Variants in GNAS observed in about 807,000 individuals in gnomAD.
GNAS encodes the protein protein ALEX.
Under a neutral mutation model 54.5 loss-of-function variants are expected in GNAS, and 8 were observed. The observed-to-expected ratio is 0.15, with a 90% CI of 0.09 to 0.26. The LOEUF (loss-of-function observed/expected upper bound fraction) is 0.26, where lower values mean the gene tolerates loss of function less well. GNAS is among the 10% of genes least tolerant of loss of function. The pLI, the probability that GNAS is intolerant of heterozygous loss-of-function variation, is 1.00. For missense variants in GNAS, 170 were observed against 529.8 expected, an observed-to-expected ratio of 0.32 and a Z score of 6.67; for synonymous variants, 204 against 191.4, an observed-to-expected ratio of 1.07 and a Z score of -0.54.
At chr20:58,840,367 G>A, upstream of GNAS, 4 of 1,613,364 alleles carry the variant, frequency 2.5e-6, no homozygotes, top group Non-Finnish European at 1.7e-6. This position sits in a 1 kb window ranked among gnomAD's most constrained non-coding sequence, Gnocchi z 6.0. Context: ...CTGACCACGA[G>A]CACGAGGAGG....
upstream of GNAS, chr20:58,888,407 G>C (rs560842964): frequency 2.0e-5 from 3 of 152,358 alleles, no homozygotes; most frequent in Admixed American, 6.5e-5. Flanking sequence ...AGGCGGGCTG[G>C]GGTCAACTGC....
Position 58,909,143 on chromosome 20 carries a change from G to A in GNAS, c.531-19G>A, listed in dbSNP as rs771181980. The A allele has an allele frequency of 5.0e-6, 8 of 1,611,816 alleles. No individual in the cohort carries two copies. The highest frequency in any genetic ancestry group is 6.8e-6 in the Non-Finnish European group (8 of 1,178,084). On this transcript the variant is annotated intron_variant, in intron 6 of 12. Coordinates refer to ENST00000371085, the MANE Select transcript of GNAS (RefSeq NM_000516.7). This position sits in a 1 kb window ranked among gnomAD's most constrained non-coding sequence, Gnocchi z 7.3. ...TGTGAGCGCTGTGAACACCCCACGT[G>A]TCTTTCTTTTTCTCCCAGCTTCCTG...
At chr20:58,893,066 C>CTTTTTTTTTTTTTTTTTT (rs869179421) in intron 1 of GNAS, among the ~76,000 whole-genome samples, 4 of 103,088 alleles carry the variant, frequency 3.9e-5, no homozygotes, top group African/African-American at 1.2e-4. Context: ...GGCGTGGTTT[C>CTTTTTTTTTTTTTTTTTT]TTTTTTTTTT....
chr20:58,870,663 G>A (rs537289353), intron 1 of GNAS, among the ~76,000 whole-genome samples: 3 of 152,206 alleles, frequency 2.0e-5, no homozygotes, highest in African/African-American at 7.2e-5. Flanking sequence ...TTTCTCAGGG[G>A]AGGGGTGGTT....
At chr20:58,896,755 G>A (rs8118341) in intron 2 of GNAS, among the ~76,000 whole-genome samples, 7,546 of 152,200 alleles carry the variant, frequency 0.05, 639 homozygotes, top group African/African-American at 0.17. Context: ...CTAGCTGGTT[G>A]GCACAGTCCT....
chr20:58,900,361 A>G (rs572865264), intron 3 of GNAS: 91 of 237,278 alleles, frequency 3.8e-4, no homozygotes, highest in African/African-American at 1.9e-3. Context: ...GCAAGTCAAT[A>G]TAAGTATTAA....
At chr20:58,886,281 A>C (rs1348367836) in intron 1 of GNAS, among the ~76,000 whole-genome samples, 1 of 152,242 alleles carries the variant, frequency 6.6e-6, no homozygotes, top group Non-Finnish European at 1.5e-5. Flanking sequence ...GTAGTGTGTG[A>C]CACCATCTGT....
rs2146296842 is a variant in GNAS at position 58,910,171 on chromosome 20, C to A, written c.970+90C>A. ...GAAAACCCCCATCCCCCTCCCACCA[C>A]CAAACCATAAAGGATCTATAAGAGA... On this transcript the variant is annotated intron_variant, in intron 11 of 12. Coordinates refer to ENST00000371085, the MANE Select transcript of GNAS (RefSeq NM_000516.7). The surrounding 1 kb of genome is among the most constrained non-coding windows in gnomAD (Gnocchi z 5.8). The A allele has an allele frequency of 7.2e-7, 1 of 1,392,420 alleles. No individual in the cohort carries two copies. The highest frequency in any genetic ancestry group is 1.0e-6 in the Non-Finnish European group (1 of 978,190). The allele number at this position is 1,392,420 out of a possible 1,614,324, so 86.3% of individuals were successfully genotyped here.
intron 1 of GNAS, chr20:58,842,696 GGT>G: frequency 2.5e-6 from 1 of 395,630 alleles, no homozygotes; most frequent in Non-Finnish European, 4.4e-6. Context: ...AAACAATGAT[GGT>G]GTGTTGGCTT....
chr20:58,871,967 C>T (rs7271854), intron 1 of GNAS, among the ~76,000 whole-genome samples: 53,180 of 151,838 alleles, frequency 0.35, 11,068 homozygotes, highest in East Asian at 0.66. Flanking sequence ...CTGGCTAGAC[C>T]GGACAGGAGT....
chr20:58,908,770 G>A, intron 6 of GNAS: 1 of 273,618 alleles, frequency 3.7e-6, no homozygotes, highest in South Asian at 4.0e-5. Flanking sequence ...CAAGAATATT[G>A]CCAGAGAGCA....
Position 58,851,704 on chromosome 20 carries a change from C to T in GNAS, c.43+10818C>T, listed in dbSNP as rs555478461. Among the ~76,000 whole-genome samples, 3 of 152,356 alleles carry T rather than the reference C, an allele frequency of 2.0e-5. No individual in the cohort carries two copies. In the East Asian group the frequency reaches 5.8e-4, roughly 29 times the overall value. ...GCATGGTAGCGGGAGCGCAGCTGCG[C>T]GGGCAACCGCCGGGTTTGTGGCCGG... On this transcript the variant is annotated intron_variant, in intron 1 of 12. Transcript: ENST00000306090.
At position 58,910,909 on chromosome 20, in the gene GNAS, C is replaced by A; in HGVS notation, c.*80C>A. The A allele has an allele frequency of 7.3e-7, 1 of 1,361,946 alleles. No individual in the cohort carries two copies. The highest frequency in any genetic ancestry group is 2.3e-5 in the East Asian group (1 of 43,678). 84.4% of individuals were successfully genotyped at this position (1,361,946 alleles called of 1,614,324 possible). ...ACGTAATTGTACAAGCAGTTAATCA[C>A]CCACCATAGGGCATGATTAACAAAG... On this transcript the variant is annotated 3_prime_UTR_variant, in exon 13 of 13. Coordinates refer to ENST00000371085, the MANE Select transcript of GNAS (RefSeq NM_000516.7). The surrounding 1 kb of genome is among the most constrained non-coding windows in gnomAD (Gnocchi z 5.8).
At chr20:58,890,176 GGAA>G (rs1359008431), upstream of GNAS, among the ~76,000 whole-genome samples, 2 of 151,608 alleles carry the variant, frequency 1.3e-5, no homozygotes, top group Non-Finnish European at 1.5e-5. Context: ...GAGAAGGAGA[GGAA>G]GAAGATGGAG....
At chr20:58,843,395 G>A (rs2085819540) in intron 1 of GNAS, 1 of 152,158 alleles carries the variant, frequency 6.6e-6, no homozygotes, top group African/African-American at 2.4e-5. Flanking sequence ...CTCTGCCTGA[G>A]AGACTGGTAC....
intron 1 of GNAS, chr20:58,854,866 A>T: frequency 6.3e-7 from 1 of 1,596,698 alleles, no homozygotes; most frequent in South Asian, 1.1e-5. Context: ...CCCAGCCCCG[A>T]GATCCAGGCT....
In GNAS at chr20:58,910,519, G is replaced by C; in HGVS notation, c.1038+118G>C. 6 of 1,127,866 alleles carry C rather than the reference G, an allele frequency of 5.3e-6. No individual in the cohort carries two copies. Among genetic ancestry groups the C allele is most frequent in the Non-Finnish European group, 8.0e-6 (6 of 747,008 alleles). The allele number at this position is 1,127,866 out of a possible 1,614,324, so 69.9% of individuals were successfully genotyped here. A position where few individuals can be genotyped will look rare whatever the true frequency, so the allele number is the denominator to read the frequency against. Reference sequence around the variant, plus strand: ...ACCCAGTTCCATGGTTTTAGTTCACGCACATCCAGTGTGGATTTGAGCTCT... The same window carrying C: ...ACCCAGTTCCATGGTTTTAGTTCACCCACATCCAGTGTGGATTTGAGCTCT... On this transcript the variant is annotated intron_variant, in intron 12 of 12. Transcript: ENST00000371085. This position sits in a 1 kb window ranked among gnomAD's most constrained non-coding sequence, Gnocchi z 5.8.
chr20:58,885,444 G>A (rs1046877785), intron 1 of GNAS, among the ~76,000 whole-genome samples: 17 of 152,172 alleles, frequency 1.1e-4, no homozygotes, highest in Admixed American at 6.5e-5. Context: ...ATTAAAAACA[G>A]ATCATTTTAA....
At chr20:58,892,756 C>G (rs899378144) in intron 1 of GNAS, among the ~76,000 whole-genome samples, 3 of 151,642 alleles carry the variant, frequency 2.0e-5, no homozygotes, top group East Asian at 3.9e-4. Context: ...AGAGTTAGTA[C>G]GAGAAGTGCC....
Sources: allele counts gnomAD v4.1 joint callset (sites outside exome capture counted in the v4.1 genomes callset), GRCh38; gene constraint gnomAD v4.1.1; non-coding constraint Gnocchi (gnomAD v3.1); transcripts MANE v1.5; gene names NCBI Gene and HGNC (gene_info 2026-07-23, HGNC 2026-07-21).